Variants in TXNRD2 observed in about 807,000 individuals in gnomAD.
TXNRD2 encodes the protein thioredoxin reductase 2, mitochondrial.
TXNRD2 carries 67 observed loss-of-function variants against 70.8 expected under a neutral mutation model. The observed-to-expected ratio is 0.95, with a 90% CI of 0.78 to 1.16. The LOEUF (loss-of-function observed/expected upper bound fraction) is 1.16, where lower values mean the gene tolerates loss of function less well. Ranked by LOEUF, TXNRD2 falls within the 50% of genes most tolerant of loss-of-function variation. The pLI is 0.00. For missense variants in TXNRD2, 644 were observed against 719.9 expected (o/e 0.89, Z 1.21); for synonymous variants, 301 against 295.8 (o/e 1.02, Z -0.18).
At position 19,888,636 on chromosome 22, in the gene TXNRD2, G is replaced by A. The variant is rs71312715; in HGVS notation, c.950-5175C>T. 3.0e-3 allele frequency among the ~76,000 whole-genome samples: 455 copies of A among 152,342 alleles called. 2 individuals are homozygous for A. The highest frequency in any genetic ancestry group is 5.4e-3 in the Admixed American group (82 of 15,312). On this transcript the variant is annotated intron_variant, in intron 11 of 17. Coordinates refer to ENST00000400521, the MANE Select transcript of TXNRD2 (RefSeq NM_006440.5). Reference sequence around the variant, plus strand: ...AGGGCCAAGCACTGCGCCTGAGGACGAGGGTGTGGGAGTGGGAGGCTCCAG... The same window carrying A: ...AGGGCCAAGCACTGCGCCTGAGGACAAGGGTGTGGGAGTGGGAGGCTCCAG...
At chr22:19,887,501 C>G (rs1163702330) in intron 11 of TXNRD2, 1 of 152,268 alleles carries the variant, frequency 6.6e-6, no homozygotes, top group African/African-American at 2.4e-5. Flanking sequence ...CCACCAAGGG[C>G]CTCCACACGG....
intron 1 of TXNRD2, among the ~76,000 whole-genome samples, chr22:19,936,997 A>G (rs1941559212): frequency 6.6e-6 from 1 of 152,162 alleles, no homozygotes; most frequent in Admixed American, 6.5e-5. Flanking sequence ...GAATTCAAGG[A>G]TGCTTGTACT....
chr22:19,927,804 A>C (rs1486853463), intron 2 of TXNRD2, among the ~76,000 whole-genome samples: 1 of 152,136 alleles, frequency 6.6e-6, no homozygotes, highest in African/African-American at 2.4e-5. Context: ...AGTATGCACA[A>C]ATTTCAGTGT....
intron 1 of TXNRD2, among the ~76,000 whole-genome samples, chr22:19,940,996 C>A (rs781354575): frequency 6.6e-6 from 1 of 152,186 alleles, no homozygotes; most frequent in African/African-American, 2.4e-5. Context: ...TCCTTACACC[C>A]CTCTACACTC....
chr22:19,893,163 A>C (rs1432566846), intron 11 of TXNRD2, among the ~76,000 whole-genome samples: 1 of 152,264 alleles, frequency 6.6e-6, no homozygotes, highest in East Asian at 1.9e-4. Flanking sequence ...GCCCTCCCCC[A>C]GGAGACACTG....
intron 8 of TXNRD2, among the ~76,000 whole-genome samples, chr22:19,901,630 C>G (rs1029041187): frequency 6.6e-6 from 1 of 152,164 alleles, no homozygotes; most frequent in Non-Finnish European, 1.5e-5. Context: ...TCCGTTCAGA[C>G]CAGCTAAAGT....
Position 19,932,381 on chromosome 22 carries a change from G to C in TXNRD2, c.104-1283C>G, listed in dbSNP as rs1171165017. 5 of 1,612,620 alleles carry C rather than the reference G, an allele frequency of 3.1e-6. No homozygotes were observed. In the Admixed American group the frequency reaches 8.3e-5, roughly 27 times the overall value. ...CCTTGGTCCTCCATGGTGGCTCACT[G>C]CACATAGTGCCACTCTCAGCCTTTT... On this transcript the variant is annotated intron_variant, in intron 1 of 17. Transcript: ENST00000400521.
intron 8 of TXNRD2, among the ~76,000 whole-genome samples, chr22:19,907,471 C>A (rs1209700443): frequency 2.7e-5 from 1 of 37,058 alleles, no homozygotes; most frequent in African/African-American, 1.4e-4. Flanking sequence ...TAGCAGTGAC[C>A]GCTCTCAGGA....
In TXNRD2 at chr22:19,920,913, T is replaced by C. The variant is rs371332404; in HGVS notation, c.173-1314A>G. ...GGCAGGAGATCGAGAACATCCTGGCTAACACGGTGAAACCCTGTCTCTACT... is the reference window on the plus strand; with the variant it reads ...GGCAGGAGATCGAGAACATCCTGGCCAACACGGTGAAACCCTGTCTCTACT... On this transcript the variant is annotated intron_variant, in intron 2 of 17. Coordinates refer to ENST00000400521, the MANE Select transcript of TXNRD2 (RefSeq NM_006440.5). Among the ~76,000 whole-genome samples the C allele has an allele frequency of 1.0e-3, 154 of 152,218 alleles. 1 individual carries two copies. Among genetic ancestry groups the C allele is most frequent in the East Asian group, 7.2e-3 (37 of 5,172 alleles).
At chr22:19,932,558 C>A in intron 1 of TXNRD2, 1 of 1,482,378 alleles carries the variant, frequency 6.7e-7, no homozygotes, top group Non-Finnish European at 9.0e-7. Flanking sequence ...GTCCGGGACA[C>A]CCAGCACCAG....
At chr22:19,888,927 G>A (rs1457704412) in intron 11 of TXNRD2, among the ~76,000 whole-genome samples, 1 of 150,518 alleles carries the variant, frequency 6.6e-6, no homozygotes, top group Non-Finnish European at 1.5e-5. Context: ...ATGAGCCCCG[G>A]GCCCCTACCC....
intron 8 of TXNRD2, among the ~76,000 whole-genome samples, chr22:19,909,901 A>C (rs866450795): frequency 0.073 from 1,464 of 20,070 alleles, 61 homozygotes; most frequent in East Asian, 0.17. Flanking sequence ...ACACACACAC[A>C]CCACACACCC....
At chr22:19,880,757 C>T (rs767536567) in intron 12 of TXNRD2, 40 bp from the exon 13 acceptor site, 20 of 1,489,916 alleles carry the variant, frequency 1.3e-5, no homozygotes, top group Admixed American at 1.7e-5. Context: ...GCACCATGTC[C>T]GGGGTTATAT....
chr22:19,899,803 G>T (rs570391783), intron 8 of TXNRD2, among the ~76,000 whole-genome samples: 1 of 152,114 alleles, frequency 6.6e-6, no homozygotes, highest in Admixed American at 6.5e-5. Context: ...GCACATACTC[G>T]CATGGGTACA....
At chr22:19,915,923 A>AC in intron 5 of TXNRD2, 80 bp from the exon 6 acceptor site, 1 of 1,313,256 alleles carries the variant, frequency 7.6e-7, no homozygotes, top group Admixed American at 1.8e-5. Context: ...GAACACTGGT[A>AC]AAAGGGAGCT....
intron 11 of TXNRD2, chr22:19,895,089 A>G (rs987470503): frequency 6.3e-7 from 1 of 1,597,504 alleles, no homozygotes; most frequent in African/African-American, 1.3e-5. Context: ...GGCGAGGATG[A>G]TTGCCTAGTT....
chr22:19,894,987 G>GA (rs1601408833), intron 11 of TXNRD2: 1 of 1,341,156 alleles, frequency 7.5e-7, no homozygotes. Flanking sequence ...AAAAAAAAAA[G>GA]AAAAGAAACA....
At position 19,898,067 on chromosome 22, in the gene TXNRD2, C is replaced by T. The variant is rs760799626; in HGVS notation, c.746G>A (p.Arg249His). ...GTCGAAGCCGCGGAGGGGGATGCTG[C>T]GCATCATGATGGTGGTGTCCAGCCC... ...GIGLDTTIMM[R>H]SIPLRGFDQQ... The change falls in exon 10 of 18, where the codon CGC becomes CAC. Residue 249 changes from arginine (R) to histidine (H), a missense_variant. By Grantham distance (29) the Arg-to-His change is conservative (BLOSUM62 0). Transcript: ENST00000400521. The T allele has an allele frequency of 1.6e-5, 25 of 1,562,590 alleles. No homozygotes were observed. The highest frequency in any genetic ancestry group is 4.1e-5 in the African/African-American group (3 of 73,486).
chr22:19,927,546 C>CG (rs933266241), intron 2 of TXNRD2, among the ~76,000 whole-genome samples: 4 of 148,532 alleles, frequency 2.7e-5, no homozygotes, highest in Non-Finnish European at 5.9e-5. Context: ...CCCAGCCACT[C>CG]GGGAGGCTGA....
Sources: gnomAD v4.1 joint callset for allele counts (sites outside exome capture counted in the v4.1 genomes callset) on GRCh38, gnomAD v4.1.1 for gene constraint, MANE v1.5 for transcripts, NCBI Gene and HGNC (gene_info 2026-07-23, HGNC 2026-07-21) for gene names.